APBA1: variants seen among roughly 807,000 people sequenced by gnomAD.
APBA1 encodes amyloid-beta A4 precursor protein-binding family A member 1.
Under a neutral mutation model 86.6 loss-of-function variants are expected in APBA1, and 55 were observed. The observed-to-expected ratio is 0.64, with a 90% confidence interval of 0.51 to 0.80. The LOEUF is 0.80. Among genes scored for constraint, APBA1 ranks in the 30% least tolerant of loss-of-function variants. The pLI is 0.00. For missense variants in APBA1, 1,090 were observed against 1,183.0 expected (o/e 0.92, Z 1.15); for synonymous variants, 511 against 493.9 (o/e 1.03, Z -0.46).
intron 1 of APBA1, among the ~76,000 whole-genome samples, chr9:69,638,993 C>T (rs919724103): frequency 6.6e-6 from 1 of 151,882 alleles, no homozygotes; most frequent in African/African-American, 2.4e-5. Flanking sequence ...GGGTCCATGC[C>T]CCATTCTCAG....
intron 1 of APBA1, among the ~76,000 whole-genome samples, chr9:69,528,551 G>A (rs1346806702): frequency 6.6e-6 from 1 of 151,872 alleles, no homozygotes; most frequent in East Asian, 1.9e-4. Flanking sequence ...GAAATGCCTT[G>A]GTATAAAATC....
At chr9:69,519,090 C>A (rs1022838056) in intron 1 of APBA1, among the ~76,000 whole-genome samples, 10 of 152,208 alleles carry the variant, frequency 6.6e-5, no homozygotes, top group Non-Finnish European at 1.5e-4. Context: ...TGGGCTCCTC[C>A]CATTAACTCC....
chr9:69,558,312 G>A (rs1426720082), intron 1 of APBA1, among the ~76,000 whole-genome samples: 1 of 151,980 alleles, frequency 6.6e-6, no homozygotes, highest in Non-Finnish European at 1.5e-5. Flanking sequence ...CATTAAATCT[G>A]TTAATAAATT....
Position 69,602,908 on chromosome 9 carries a change from C to A in APBA1, c.-70+69245G>T, listed in dbSNP as rs188439449. On this transcript the variant is annotated intron_variant, in intron 1 of 12. Coordinates refer to ENST00000265381, the MANE Select transcript of APBA1 (RefSeq NM_001163.4). ...AATCTGGCAAACAAAAAAATACATA[C>A]ACACACATGACCATGAAAATATGCA... is the stretch of plus-strand genomic sequence containing the variant. Among the ~76,000 whole-genome samples, 5 of 152,286 alleles carry A rather than the reference C, an allele frequency of 3.3e-5. No individual in the cohort carries two copies. In the East Asian group the frequency reaches 9.6e-4, roughly 29 times the overall value.
At chr9:69,570,743 T>C (rs937952916) in intron 1 of APBA1, among the ~76,000 whole-genome samples, 3 of 152,310 alleles carry the variant, frequency 2.0e-5, no homozygotes, top group African/African-American at 7.2e-5. Context: ...GGCTAGATTG[T>C]GTATCTCTCT....
intron 1 of APBA1, among the ~76,000 whole-genome samples, chr9:69,559,003 G>T (rs1836907742): frequency 6.6e-6 from 1 of 152,008 alleles, no homozygotes; most frequent in Non-Finnish European, 1.5e-5. Flanking sequence ...ATTCCATCTT[G>T]CTTTTTAACC....
chr9:69,449,894 G>T, intron 9 of APBA1, 98 bp from the exon 10 acceptor site: 1 of 1,106,822 alleles, frequency 9.0e-7, no homozygotes, highest in Non-Finnish European at 1.3e-6. Flanking sequence ...CCTAAAGAAA[G>T]ACACTTCCCT....
At chr9:69,588,326 C>T (rs769320972) in intron 1 of APBA1, among the ~76,000 whole-genome samples, 23 of 150,928 alleles carry the variant, frequency 1.5e-4, no homozygotes, top group Non-Finnish European at 2.5e-4. Flanking sequence ...ACAAATGAAA[C>T]GCAACAGACA....
chr9:69,511,617 T>C (rs1191904611), intron 2 of APBA1, among the ~76,000 whole-genome samples: 4 of 151,842 alleles, frequency 2.6e-5, no homozygotes, highest in Admixed American at 2.0e-4. Flanking sequence ...TAAAGACACA[T>C]GCACACGTAT....
At chr9:69,668,149 C>T (rs1823878662) in intron 1 of APBA1, among the ~76,000 whole-genome samples, 1 of 152,156 alleles carries the variant, frequency 6.6e-6, no homozygotes, top group Admixed American at 6.5e-5. Flanking sequence ...ATCAGTGATT[C>T]CTGGGATATG....
At chr9:69,656,740 A>C (rs559536359) in intron 1 of APBA1, among the ~76,000 whole-genome samples, 4 of 152,360 alleles carry the variant, frequency 2.6e-5, no homozygotes, top group Non-Finnish European at 1.5e-5. Flanking sequence ...ATTTAAAAAC[A>C]TCAAATATTA....
intron 10 of APBA1, among the ~76,000 whole-genome samples, chr9:69,444,221 A>ATC (rs1471601643): frequency 1.3e-5 from 2 of 152,196 alleles, no homozygotes; most frequent in East Asian, 3.9e-4. Flanking sequence ...GTTTTGGAAC[A>ATC]TCTCCAGGGA....
intron 1 of APBA1, among the ~76,000 whole-genome samples, chr9:69,668,749 C>T (rs1588420979): frequency 6.6e-6 from 1 of 151,426 alleles, no homozygotes; most frequent in East Asian, 1.9e-4. Flanking sequence ...CCAAAGCACA[C>T]CATTTTTTTG....
chr9:69,436,560 T>A (rs1834724541), intron 11 of APBA1, among the ~76,000 whole-genome samples: 1 of 113,920 alleles, frequency 8.8e-6, no homozygotes, highest in Admixed American at 9.3e-5. Context: ...GGGAGTTCAC[T>A]CATGATTTGG....
chr9:69,435,990 T>A (rs1834710202), intron 11 of APBA1, among the ~76,000 whole-genome samples: 2 of 152,154 alleles, frequency 1.3e-5, no homozygotes. Context: ...TTCAGCTTTC[T>A]ACATATGGCT....
chr9:69,651,562 G>A (rs887277406), intron 1 of APBA1, among the ~76,000 whole-genome samples: 11 of 151,616 alleles, frequency 7.3e-5, no homozygotes, highest in African/African-American at 1.7e-4. Context: ...TGCAACCTCC[G>A]CCTCCTGGGT....
intron 2 of APBA1, 85 bp downstream of exon 2, chr9:69,515,926 C>G: frequency 7.2e-7 from 1 of 1,397,716 alleles, no homozygotes; most frequent in African/African-American, 1.5e-5. Flanking sequence ...CGTAAAGTCA[C>G]TACCCAAGGG....
At chr9:69,636,941 A>AAG (rs1823187216) in intron 1 of APBA1, among the ~76,000 whole-genome samples, 1 of 147,124 alleles carries the variant, frequency 6.8e-6, no homozygotes, top group Admixed American at 6.8e-5. Flanking sequence ...GAAAGAAAGA[A>AAG]AGAAAGAAAG....
intron 10 of APBA1, among the ~76,000 whole-genome samples, chr9:69,445,405 G>A (rs1485570327): frequency 1.3e-5 from 2 of 152,184 alleles, no homozygotes; most frequent in Non-Finnish European, 2.9e-5. Context: ...TATTGGAGGT[G>A]CCAATTAAAT....
Sources: allele counts gnomAD v4.1 joint callset (sites outside exome capture counted in the v4.1 genomes callset), GRCh38; gene constraint gnomAD v4.1.1; transcripts MANE v1.5; gene names NCBI Gene and HGNC (gene_info 2026-07-23, HGNC 2026-07-21).